RAD51B: variants seen among roughly 807,000 people sequenced by gnomAD.
The protein encoded by RAD51B is DNA repair protein RAD51 homolog 2.
In RAD51B, 38 loss-of-function variants were observed where a neutral mutation model predicts 42.2. The observed-to-expected ratio is 0.90, with a 90% CI of 0.70 to 1.18. The LOEUF is 1.18. Among genes scored for constraint, RAD51B ranks in the 50% most tolerant of loss-of-function variants. The pLI is 0.00. For missense variants in RAD51B, 373 were observed against 400.7 expected (o/e 0.93, Z 0.59); for synonymous variants, 154 against 145.2 (o/e 1.06, Z -0.43).
intron 10 of RAD51B, among the ~76,000 whole-genome samples, chr14:68,486,979 T>C (rs1883672143): frequency 6.6e-6 from 1 of 152,140 alleles, no homozygotes; most frequent in Non-Finnish European, 1.5e-5. Flanking sequence ...ACCAACACCT[T>C]CTCTTAGTAC....
intron 8 of RAD51B, among the ~76,000 whole-genome samples, chr14:68,392,432 C>T (rs2083785054): frequency 6.6e-6 from 1 of 152,142 alleles, no homozygotes; most frequent in East Asian, 1.9e-4. Flanking sequence ...CTTCTGTCTT[C>T]CTGCTCCCTG....
intron 7 of RAD51B, among the ~76,000 whole-genome samples, chr14:68,249,523 A>G (rs2080574523): frequency 6.6e-6 from 1 of 152,250 alleles, no homozygotes; most frequent in Non-Finnish European, 1.5e-5. Flanking sequence ...TGTGAATTGT[A>G]AATGTTTTAA....
At chr14:67,886,025 T>C (rs1478940485) in intron 6 of RAD51B, 37 bp downstream of exon 6, 1 of 1,457,170 alleles carries the variant, frequency 6.9e-7, no homozygotes, top group Non-Finnish European at 9.3e-7. Context: ...TAGTAATGCG[T>C]TGAAGGTTTA....
intron 9 of RAD51B, among the ~76,000 whole-genome samples, chr14:68,454,357 A>T (rs1008137440): frequency 1.3e-5 from 2 of 152,120 alleles, no homozygotes; most frequent in South Asian, 2.1e-4. Context: ...ACAAAAACTT[A>T]AAAAAAACTT....
At chr14:68,023,782 A>G (rs1021448651) in intron 7 of RAD51B, among the ~76,000 whole-genome samples, 1 of 151,970 alleles carries the variant, frequency 6.6e-6, no homozygotes, top group Non-Finnish European at 1.5e-5. Context: ...ACTCTCTCCC[A>G]TTCCGTGGGT....
intron 7 of RAD51B, among the ~76,000 whole-genome samples, chr14:68,056,741 C>T (rs551109839): frequency 6.6e-6 from 1 of 151,072 alleles, no homozygotes; most frequent in East Asian, 2.0e-4. Flanking sequence ...GACCAAGACT[C>T]CGTCTCAAAA....
At chr14:68,470,371 C>T (rs1452669269) in intron 10 of RAD51B, among the ~76,000 whole-genome samples, 1 of 152,178 alleles carries the variant, frequency 6.6e-6, no homozygotes, top group Non-Finnish European at 1.5e-5. Context: ...GCACACTCTG[C>T]CTTCTTGCTG....
intron 9 of RAD51B, among the ~76,000 whole-genome samples, chr14:68,454,012 A>G (rs1171113510): frequency 6.6e-6 from 1 of 152,354 alleles, no homozygotes; most frequent in Admixed American, 6.5e-5. Flanking sequence ...GAAGCACTGA[A>G]TTAGAAGTGG....
At chr14:68,013,283 G>A (rs1264389420) in intron 7 of RAD51B, among the ~76,000 whole-genome samples, 1 of 152,126 alleles carries the variant, frequency 6.6e-6, no homozygotes, top group Non-Finnish European at 1.5e-5. Context: ...AGAAAGATAG[G>A]CAGAAGCTAT....
intron 9 of RAD51B, among the ~76,000 whole-genome samples, chr14:68,430,772 A>G (rs550357790): frequency 6.6e-6 from 1 of 152,196 alleles, no homozygotes; most frequent in African/African-American, 2.4e-5. Flanking sequence ...CCCTGGCCAG[A>G]ACTTCCAACA....
At chr14:68,544,498 T>A (rs1429014346) in intron 10 of RAD51B, among the ~76,000 whole-genome samples, 1 of 152,234 alleles carries the variant, frequency 6.6e-6, no homozygotes, top group African/African-American at 2.4e-5. Context: ...AGATTGTATT[T>A]CCTTTGGAGG....
intron 7 of RAD51B, among the ~76,000 whole-genome samples, chr14:67,999,849 G>A (rs2075449406): frequency 6.6e-6 from 1 of 152,112 alleles, no homozygotes; most frequent in East Asian, 1.9e-4. Context: ...GTAGGGTTTT[G>A]ATATGTGTTA....
At chr14:68,440,116 G>A (rs2331704) in intron 9 of RAD51B, among the ~76,000 whole-genome samples, 128,386 of 152,242 alleles carry the variant, frequency 0.84, 54,323 homozygotes, top group East Asian at 0.97. Context: ...TCTTCTTTTG[G>A]CCTTATTTGG....
intron 10 of RAD51B, among the ~76,000 whole-genome samples, chr14:68,633,327 T>G (rs1439184324): frequency 6.6e-6 from 1 of 152,152 alleles, no homozygotes; most frequent in Non-Finnish European, 1.5e-5. Context: ...AGGGGATGAC[T>G]TGGCAGAGCT....
chr14:68,132,894 G>T (rs1310765899), intron 7 of RAD51B, among the ~76,000 whole-genome samples: 2 of 152,208 alleles, frequency 1.3e-5, no homozygotes, highest in African/African-American at 2.4e-5. Flanking sequence ...CTCTGGTCCA[G>T]GTTGGGCCAA....
intron 10 of RAD51B, among the ~76,000 whole-genome samples, chr14:68,517,213 A>AGAAAGGGAAGGGAAGGGAAG (rs1886220041): frequency 8.1e-6 from 1 of 123,710 alleles, no homozygotes; most frequent in Non-Finnish European, 1.7e-5. Flanking sequence ...CACAAAGAAA[A>AGAAAGGGAAGGGAAGGGAAG]GAAAGGGAAG....
intron 10 of RAD51B, among the ~76,000 whole-genome samples, chr14:68,527,087 C>T (rs1034455940): frequency 3.3e-5 from 5 of 152,168 alleles, no homozygotes; most frequent in African/African-American, 9.7e-5. Flanking sequence ...AAGTTACATC[C>T]GCACAAAGTT....
At chr14:68,204,918 C>G (rs879543070) in intron 7 of RAD51B, among the ~76,000 whole-genome samples, 1 of 151,944 alleles carries the variant, frequency 6.6e-6, no homozygotes, top group Non-Finnish European at 1.5e-5. Flanking sequence ...TGGGGAAATA[C>G]TCATGATATA....
At chr14:67,863,130 A>G (rs2042215408) in intron 4 of RAD51B, among the ~76,000 whole-genome samples, 1 of 149,588 alleles carries the variant, frequency 6.7e-6, no homozygotes, top group South Asian at 2.1e-4. Context: ...ATAAACCAGC[A>G]TATAGTTTTA....
Sources: gnomAD v4.1 joint callset for allele counts (sites outside exome capture counted in the v4.1 genomes callset) on GRCh38, gnomAD v4.1.1 for gene constraint, MANE v1.5 for transcripts, NCBI Gene and HGNC (gene_info 2026-07-23, HGNC 2026-07-21) for gene names.